The following OFD1 variants were observed in gnomAD, a reference collection of about 807,000 sequenced individuals.
OFD1 encodes centriole and centriolar satellite protein OFD1.
In OFD1, 12 loss-of-function variants were observed where a neutral mutation model predicts 81.4. That is an observed-to-expected ratio of 0.15 (90% CI 0.09 to 0.24). The LOEUF (loss-of-function observed/expected upper bound fraction) is 0.24, where lower values mean the gene tolerates loss of function less well. Among genes scored for constraint, OFD1 ranks in the 10% least tolerant of loss-of-function variants. The pLI, the probability that OFD1 is intolerant of heterozygous loss-of-function variation, is 1.00. For missense variants in OFD1, 685 were observed against 733.9 expected, an observed-to-expected ratio of 0.93 and a Z score of 0.77; for synonymous variants, 256 against 263.7, an observed-to-expected ratio of 0.97 and a Z score of 0.28.
Position 13,734,980 on chromosome X carries a change from C to T in OFD1, c.-92C>T. 1 of 1,155,049 alleles carries T rather than the reference C, an allele frequency of 8.7e-7. No individual in the cohort carries two copies. Among genetic ancestry groups the T allele is most frequent in the Non-Finnish European group, 1.1e-6 (1 of 871,605 alleles). On this transcript the variant is annotated 5_prime_UTR_variant, in exon 1 of 23. Coordinates refer to ENST00000340096, the MANE Select transcript of OFD1 (RefSeq NM_003611.3). ...AGGCAGGGTTCTGAGGGCAGGGATT[C>T]CCCCTCGTCTTGGCCCCACCGCCCG...
At position 13,753,200 on chromosome X, in the gene OFD1, A is replaced by AT. The variant is rs1031429500; in HGVS notation, c.1056-167dup. 2.8e-6 allele frequency: 3 copies of AT among 1,072,874 alleles called. No individual in the cohort carries two copies. In the Admixed American group the frequency reaches 1.2e-4, roughly 43 times the overall value. 88.4% of individuals were successfully genotyped at this position (1,072,874 alleles called of 1,213,427 possible). ...AAGGAAGGGTTTTACTGGGCATTTT[A>AT]TGTTCAGGGGTTATATCCCTGGCTT... is the stretch of plus-strand genomic sequence containing the variant. On this transcript the variant is annotated intron_variant, in intron 10 of 22. Transcript: ENST00000340096.
intron 5 of OFD1, among the ~76,000 whole-genome samples, chrX:13,740,910 G>A (rs1014474763): frequency 5.4e-5 from 6 of 110,754 alleles, no homozygotes; most frequent in Admixed American, 1.9e-4. Context: ...AGGCTGAGGC[G>A]GGCGGATCAC....
chrX:13,746,800 C>G lies in OFD1; in HGVS notation c.675C>G (p.Thr225=), dbSNP rs781665189. ...TGCAGTTGAAGTTTTTTAAAGATAC[C>G]GAGATAGCAAAAATTAAAATGGAAG... ...MCQKLKFFKD[T]EIAKIKMEAK... The change falls in exon 8 of 23, where the codon ACC becomes ACG. Residue 225 remains threonine (T), a synonymous_variant. Transcript: ENST00000340096. 11 of 1,191,820 alleles carry G rather than the reference C, an allele frequency of 9.2e-6. No homozygotes were observed. The Admixed American group carries it at 2.5e-4, about 27-fold the overall frequency.
chrX:13,725,554 G>A, the OFD1 span, among the ~76,000 whole-genome samples: 2 of 111,981 alleles, frequency 1.8e-5, no homozygotes, highest in Admixed American at 1.9e-4. Flanking sequence ...GAAAGGAATA[G>A]CATCATCATC....
chrX:13,758,010 C>G (rs1020059974), intron 14 of OFD1, among the ~76,000 whole-genome samples: 17 of 111,774 alleles, frequency 1.5e-4, no homozygotes, highest in Non-Finnish European at 5.6e-5. Context: ...AGCAAACTCA[C>G]CTAAACATAA....
intron 15 of OFD1, 85 bp downstream of exon 15, chrX:13,758,533 ATATTAAT>A (rs766209701): frequency 7.5e-6 from 4 of 536,197 alleles, no homozygotes; most frequent in Non-Finnish European, 1.3e-5. Flanking sequence ...AATTTATTGA[ATATTAAT>A]TATTGTTTTA....
At chrX:13,731,184 G>T (rs138021175), upstream of OFD1, among the ~76,000 whole-genome samples, 1,199 of 112,228 alleles carry the variant, frequency 0.011, 19 homozygotes, top group South Asian at 0.043. Flanking sequence ...TGACATTTGA[G>T]AAATTGCAAG....
intron 6 of OFD1, among the ~76,000 whole-genome samples, chrX:13,745,995 G>A (rs1226924135): frequency 8.9e-6 from 1 of 112,160 alleles, no homozygotes; most frequent in African/African-American, 3.2e-5. Flanking sequence ...AGTATTTTCT[G>A]ACTTAAACTG....
chrX:13,767,466 G>C (rs1170603666), intron 20 of OFD1, among the ~76,000 whole-genome samples, 182 bp downstream of exon 20: 2 of 112,195 alleles, frequency 1.8e-5, no homozygotes, highest in East Asian at 5.6e-4. Flanking sequence ...AGAATGTGAA[G>C]CTTAGGAGTT....
chrX:13,724,280 TG>T, the OFD1 span, among the ~76,000 whole-genome samples: 1 of 108,341 alleles, frequency 9.2e-6, no homozygotes, highest in Non-Finnish European at 1.9e-5. Context: ...AGAGGCCACA[TG>T]GAAGATGTAA....
intron 13 of OFD1, 32 bp from the exon 14 acceptor site, chrX:13,757,628 C>T (rs767863784): frequency 3.5e-6 from 4 of 1,149,090 alleles, no homozygotes; most frequent in Non-Finnish European, 3.5e-6. Flanking sequence ...TTGGTAATGA[C>T]TAGGATTTTT....
chrX:13,773,300 C>T (rs982991996), downstream of OFD1: 11 of 189,472 alleles, frequency 5.8e-5, no homozygotes, highest in Non-Finnish European at 8.9e-5. Context: ...AAATGAAATA[C>T]GAGAGGGTGC....
At chrX:13,751,466 T>C (rs2047496696) in intron 10 of OFD1, 98 bp downstream of exon 10, 2 of 676,775 alleles carry the variant, frequency 3.0e-6, no homozygotes, top group South Asian at 5.4e-5. Context: ...AGGCAAACTT[T>C]AGTGTTTGAA....
downstream of OFD1, chrX:13,769,440 T>C (rs141525296): frequency 2.6e-3 from 492 of 188,409 alleles, 4 homozygotes; most frequent in African/African-American, 0.013. Flanking sequence ...GTATAAGCTG[T>C]GTTCTTTCCT....
the OFD1 span, among the ~76,000 whole-genome samples, chrX:13,725,552 T>C: frequency 1.3e-3 from 149 of 112,395 alleles, no homozygotes; most frequent in Middle Eastern, 4.6e-3. Context: ...CAGAAAGGAA[T>C]AGCATCATCA....
chrX:13,733,272 G>A (rs1254001102), upstream of OFD1, among the ~76,000 whole-genome samples: 1 of 111,508 alleles, frequency 9.0e-6, no homozygotes, highest in Non-Finnish European at 1.9e-5. Flanking sequence ...ACAGGATCAT[G>A]TACTAGTATT....
intron 5 of OFD1, among the ~76,000 whole-genome samples, chrX:13,743,509 A>G (rs908645535): frequency 8.9e-6 from 1 of 112,478 alleles, no homozygotes; most frequent in Non-Finnish European, 1.9e-5. Context: ...TAAAGGGCAC[A>G]TGCATTTCGA....
the OFD1 span, chrX:13,715,948 T>C: frequency 4.4e-6 from 5 of 1,130,283 alleles, no homozygotes; most frequent in Non-Finnish European, 5.9e-6. Flanking sequence ...GCCAGTTTCC[T>C]GACAAAGGTC....
At chrX:13,734,053 A>G (rs1212061530), upstream of OFD1, 1 of 513,009 alleles carries the variant, frequency 1.9e-6, no homozygotes, top group Non-Finnish European at 3.5e-6. Context: ...CCTTTACCTC[A>G]CAGCACACAA....
Sources: gnomAD v4.1 joint callset for allele counts (sites outside exome capture counted in the v4.1 genomes callset) on GRCh38, gnomAD v4.1.1 for gene constraint, MANE v1.5 for transcripts, NCBI Gene and HGNC (gene_info 2026-07-23, HGNC 2026-07-21) for gene names.